The following ZBTB7C variants were observed in gnomAD, a reference collection of about 807,000 sequenced individuals.
The protein encoded by ZBTB7C is zinc finger and BTB domain-containing protein 7C.
ZBTB7C carries 8 observed loss-of-function variants against 25.7 expected under a neutral mutation model. That is an observed-to-expected ratio of 0.31 (90% confidence interval 0.18 to 0.56). ZBTB7C has a LOEUF of 0.56. ZBTB7C is among the 20% of genes least tolerant of loss of function. The pLI is 0.91. For missense variants in ZBTB7C, 824 were observed against 855.2 expected (o/e 0.96, Z 0.46); for synonymous variants, 394 against 369.0 (o/e 1.07, Z -0.78).
At chr18:48,219,275 C>T (rs775051762) in intron 2 of ZBTB7C, among the ~76,000 whole-genome samples, 34 of 152,118 alleles carry the variant, frequency 2.2e-4, no homozygotes, top group Non-Finnish European at 4.4e-4. Flanking sequence ...CGGCCCCTGC[C>T]CTCCCAGGCA....
rs981783263 is a variant in ZBTB7C, at chr18:48,028,046, G to T, written c.*1214C>A. On this transcript the variant is annotated 3_prime_UTR_variant, in exon 5 of 5. Coordinates refer to ENST00000590800, the MANE Select transcript of ZBTB7C (RefSeq NM_001318841.2). ...CAGAGGGAGGAGGAAGGGGTTGAGGGGGTTCTCACACAGCAAAGGGGACCA... is the reference window on the plus strand; with the variant it reads ...CAGAGGGAGGAGGAAGGGGTTGAGGTGGTTCTCACACAGCAAAGGGGACCA... 1.3e-5 allele frequency: 2 copies of T among 152,218 alleles called. No homozygotes were observed. Among genetic ancestry groups the T allele is most frequent in the Non-Finnish European group, 2.9e-5 (2 of 68,064 alleles). The allele number at this position is 152,218 out of a possible 1,614,324, so 9.4% of individuals were successfully genotyped here.
chr18:48,104,589 A>G (rs1310223030), intron 3 of ZBTB7C, among the ~76,000 whole-genome samples: 1 of 152,232 alleles, frequency 6.6e-6, no homozygotes, highest in Non-Finnish European at 1.5e-5. Context: ...CCATCCATCC[A>G]TCCCAGCCAG....
chr18:48,045,403 G>T (rs1210758292), intron 3 of ZBTB7C, among the ~76,000 whole-genome samples: 4 of 152,242 alleles, frequency 2.6e-5, no homozygotes, highest in African/African-American at 9.6e-5. Flanking sequence ...AGAAAATAGA[G>T]CTGTGGCTCA....
Position 48,234,989 on chromosome 18 carries a change from A to G in ZBTB7C, c.-78-48994T>C, listed in dbSNP as rs541173738. On this transcript the variant is annotated intron_variant, in intron 2 of 4. Transcript: ENST00000590800. ...TAAGAAATTTATTTTTGTGATATGA[A>G]TATAACAATACTAGCGTTCTTTTGG... Among the ~76,000 whole-genome samples, 11 of 152,266 alleles carry G rather than the reference A, an allele frequency of 7.2e-5. No individual in the cohort carries two copies. The East Asian group carries it at 1.9e-3, about 27-fold the overall frequency.
intron 3 of ZBTB7C, among the ~76,000 whole-genome samples, chr18:48,132,827 A>G (rs2040027926): frequency 6.6e-6 from 1 of 152,220 alleles, no homozygotes; most frequent in Admixed American, 6.5e-5. Flanking sequence ...ATTGTCAGCC[A>G]GACTCCACAG....
chr18:48,162,319 A>G, intron 3 of ZBTB7C: 1 of 454,282 alleles, frequency 2.2e-6, no homozygotes, highest in South Asian at 1.6e-5. Context: ...CCTCAGAGGC[A>G]GGGCCGCACT....
intron 2 of ZBTB7C, among the ~76,000 whole-genome samples, chr18:48,310,373 G>A (rs1272403770): frequency 6.6e-6 from 1 of 151,746 alleles, no homozygotes; most frequent in East Asian, 1.9e-4. Context: ...CCATTTTCCA[G>A]GCTATGTGTG....
intron 3 of ZBTB7C, among the ~76,000 whole-genome samples, chr18:48,079,297 A>G (rs773152854): frequency 6.6e-6 from 1 of 152,218 alleles, no homozygotes; most frequent in South Asian, 2.1e-4. Context: ...TATGGGGTCC[A>G]TGGTGCCCAG....
intron 2 of ZBTB7C, among the ~76,000 whole-genome samples, chr18:48,280,848 CTTTTT>C (rs55760047): frequency 3.8e-5 from 3 of 79,918 alleles, no homozygotes; most frequent in Non-Finnish European, 5.0e-5. Flanking sequence ...TTTTCTCTCT[CTTTTT>C]TTTTTTTTTT....
rs983525474 is a variant in ZBTB7C, at chr18:48,040,757, C to T, written c.351G>A (p.Gln117=). 6.2e-7 allele frequency: 1 copy of T among 1,614,128 alleles called. No homozygotes were observed. ...TCTCCAGGCACACGTTCACGATGCA[C>T]TGGATCTCCAGCATCCTGGCTGCGT... ...ILNAARMLEI[Q]CIVNVCLEIM... is the part of the protein sequence containing the mutation. The change falls in exon 4 of 5, where the codon CAG becomes CAA. Residue 117 remains glutamine, a synonymous_variant. Transcript: ENST00000590800.
chr18:48,409,872 C>T (rs2048363300), upstream of ZBTB7C, among the ~76,000 whole-genome samples: 1 of 152,142 alleles, frequency 6.6e-6, no homozygotes, highest in Non-Finnish European at 1.5e-5. Context: ...AGGCGGCCGC[C>T]GTTTCTCCGG....
intron 3 of ZBTB7C, among the ~76,000 whole-genome samples, chr18:48,067,159 C>T (rs1191441814): frequency 6.6e-6 from 1 of 152,126 alleles, no homozygotes; most frequent in African/African-American, 2.4e-5. Flanking sequence ...AGCTCTATTC[C>T]CTGCCAAAAT....
At chr18:48,036,532 A>C (rs543034024) in intron 4 of ZBTB7C, among the ~76,000 whole-genome samples, 14 of 152,172 alleles carry the variant, frequency 9.2e-5, no homozygotes, top group Admixed American at 3.9e-4. Context: ...AGGAGGGAGG[A>C]AATGGGGCTT....
At chr18:48,174,804 C>T (rs975365651) in intron 3 of ZBTB7C, among the ~76,000 whole-genome samples, 8 of 152,114 alleles carry the variant, frequency 5.3e-5, no homozygotes, top group African/African-American at 1.7e-4. Flanking sequence ...TCTGTATTTA[C>T]CTACCTACCT....
chr18:48,338,917 G>A (rs1015412775), intron 1 of ZBTB7C, among the ~76,000 whole-genome samples: 2 of 151,040 alleles, frequency 1.3e-5, no homozygotes, highest in Admixed American at 1.3e-4. Flanking sequence ...TTGTTGGGGG[G>A]GGGGGGTCCA....
intron 1 of ZBTB7C, among the ~76,000 whole-genome samples, chr18:48,378,312 C>G (rs1177617647): frequency 6.6e-6 from 1 of 152,154 alleles, no homozygotes; most frequent in South Asian, 2.1e-4. Context: ...AGATCTGCCA[C>G]ACTGAAAACA....
At chr18:48,222,432 T>C (rs2042986036) in intron 2 of ZBTB7C, among the ~76,000 whole-genome samples, 1 of 152,158 alleles carries the variant, frequency 6.6e-6, no homozygotes, top group African/African-American at 2.4e-5. Context: ...AACCACAGCC[T>C]TGTGTTGAGA....
chr18:48,080,190 T>G (rs2144477445), intron 3 of ZBTB7C, among the ~76,000 whole-genome samples: 1 of 152,304 alleles, frequency 6.6e-6, no homozygotes, highest in South Asian at 2.1e-4. Context: ...GCTGTCACTC[T>G]TAACACTTCA....
intron 3 of ZBTB7C, among the ~76,000 whole-genome samples, chr18:48,082,689 G>A (rs928584248): frequency 6.7e-6 from 1 of 149,594 alleles, no homozygotes; most frequent in African/African-American, 2.6e-5. Context: ...CCTCCCGTGC[G>A]CTGGGCATGA....
Sources: gnomAD v4.1 joint callset for allele counts (sites outside exome capture counted in the v4.1 genomes callset) on GRCh38, gnomAD v4.1.1 for gene constraint, MANE v1.5 for transcripts, NCBI Gene and HGNC (gene_info 2026-07-23, HGNC 2026-07-21) for gene names.